The following VPS13A variants were observed in gnomAD, a reference collection of about 807,000 sequenced individuals.
VPS13A encodes intermembrane lipid transfer protein VPS13A.
In VPS13A, 264 loss-of-function variants were observed where a neutral mutation model predicts 390.9. That is an observed-to-expected ratio of 0.68 (90% CI 0.61 to 0.75). The LOEUF is 0.75. VPS13A is among the 30% of genes least tolerant of loss of function. The pLI is 0.00. For missense variants in VPS13A, 3,409 were observed against 3,733.9 expected (o/e 0.91, Z 2.27); for synonymous variants, 1,231 against 1,227.1 (o/e 1.00, Z -0.07).
intron 71 of VPS13A, among the ~76,000 whole-genome samples, chr9:77,408,456 G>A (rs922630282): frequency 1.4e-4 from 22 of 152,348 alleles, no homozygotes; most frequent in African/African-American, 5.1e-4. Flanking sequence ...AGGACAGTGG[G>A]TGCAGCGCAC....
At chr9:77,217,538 C>T (rs984102886) in intron 10 of VPS13A, among the ~76,000 whole-genome samples, 1 of 152,154 alleles carries the variant, frequency 6.6e-6, no homozygotes, top group African/African-American at 2.4e-5. Flanking sequence ...ATTTAGCTCC[C>T]ACTTACAAGT....
In VPS13A at chr9:77,178,197, T is replaced by C. The variant is rs1053539804; in HGVS notation, c.100+393T>C. 1.7e-5 allele frequency: 4 copies of C among 230,934 alleles called. No individual in the cohort carries two copies. In the Admixed American group the frequency reaches 2.2e-4, roughly 13 times the overall value. 14.3% of individuals were successfully genotyped at this position (230,934 alleles called of 1,614,324 possible). A position where few individuals can be genotyped will look rare whatever the true frequency, so the allele number is the denominator to read the frequency against. ...CGACGCCTTCCTGGGCTGGGTCCCATCCCTGTCCTTTGCCCCCCTGGGTTT... is the reference window on the plus strand; with the variant it reads ...CGACGCCTTCCTGGGCTGGGTCCCACCCCTGTCCTTTGCCCCCCTGGGTTT... On this transcript the variant is annotated intron_variant, in intron 1 of 71. Coordinates refer to ENST00000360280, the MANE Select transcript of VPS13A (RefSeq NM_033305.3).
intron 59 of VPS13A, among the ~76,000 whole-genome samples, chr9:77,363,410 T>A (rs1426729715): frequency 2.2e-4 from 32 of 145,848 alleles, no homozygotes; most frequent in Admixed American, 5.5e-4. Context: ...TTTTATTTTT[T>A]TTTTTTTTTG....
Position 77,332,029 on chromosome 9 carries a change from T to C in VPS13A, c.6011T>C (p.Val2004Ala), listed in dbSNP as rs1263657096. 3.7e-6 allele frequency: 6 copies of C among 1,610,792 alleles called. No homozygotes were observed. The highest frequency in any genetic ancestry group is 5.1e-6 in the Non-Finnish European group (6 of 1,177,458). The change falls in exon 46 of 72, where the codon GTC (valine) becomes GCC (alanine). Residue 2004 changes from valine to alanine, a missense_variant. Around this residue, in one of 5 missense-constraint regions of VPS13A, gnomAD observed 2,717 missense variants for 2,917.4 expected, o/e 0.93. Transcript: ENST00000360280. ...SPVQIRNHFSVPLSVYEGDTL... is the reference protein window; with the variant it reads ...SPVQIRNHFSAPLSVYEGDTL... ...TCCCAGATAAGAAATCATTTTTCAG[T>C]CCCACTGTCTGTTTACGAAGGGGAT...
rs571098683 is a variant in VPS13A, at chr9:77,403,182, T to G, written c.9190-54T>G. On this transcript the variant is annotated intron_variant, in intron 68 of 71. Transcript: ENST00000360280. ...AGAGGACTATAAGGCATTGTTTGCA[T>G]TACAGTAGGAAATACTATCAATTTT... 58 of 1,327,332 alleles carry G rather than the reference T, an allele frequency of 4.4e-5. 1 individual carries two copies. The African/African-American group carries it at 6.5e-4, about 15-fold the overall frequency. The allele number at this position is 1,327,332 out of a possible 1,614,324, so 82.2% of individuals were successfully genotyped here. A position where few individuals can be genotyped will look rare whatever the true frequency, so the allele number is the denominator to read the frequency against.
chr9:77,262,068 A>C (rs146676139), intron 23 of VPS13A, among the ~76,000 whole-genome samples: 5 of 152,276 alleles, frequency 3.3e-5, no homozygotes, highest in African/African-American at 9.6e-5. Flanking sequence ...TGTTTTTGGA[A>C]ACTGCTGTTC....
intron 20 of VPS13A, 101 bp downstream of exon 20, chr9:77,247,496 C>T (rs879742488): frequency 4.4e-5 from 56 of 1,268,506 alleles, no homozygotes; most frequent in Non-Finnish European, 5.4e-5. Flanking sequence ...TGCTTTTTTT[C>T]CTAGATTTGT....
At position 77,420,747 on chromosome 9, in the gene VPS13A, G is replaced by T. The variant is rs1020322766; in HGVS notation, c.*4741G>T. The T allele has an allele frequency of 6.6e-6, 1 of 152,134 alleles. No individual in the cohort carries two copies. Among genetic ancestry groups the T allele is most frequent in the Non-Finnish European group, 1.5e-5 (1 of 68,020 alleles). 9.4% of individuals were successfully genotyped at this position (152,134 alleles called of 1,614,324 possible). On this transcript the variant is annotated 3_prime_UTR_variant, in exon 72 of 72. Transcript: ENST00000360280. ...AAGTCCTTGTAACAAGAAACCCTGT[G>T]AGATTGGTATAATGAGATATCAAAT...
chr9:77,259,955 AAATTGGAATAGAGATTT>A, intron 22 of VPS13A, 114 bp from the exon 23 acceptor site: 1 of 688,072 alleles, frequency 1.5e-6, no homozygotes, highest in Non-Finnish European at 2.4e-6. Context: ...GGTAAGACGG[AAATTGGAATAGAGATTT>A]TTAGTGTTTA....
intron 52 of VPS13A, among the ~76,000 whole-genome samples, chr9:77,346,264 TTAGTGA>T (rs1831146789): frequency 2.6e-5 from 4 of 152,122 alleles, no homozygotes; most frequent in African/African-American, 2.4e-5. Context: ...TCCCTCATAA[TTAGTGA>T]TGCTGAGCTT....
intron 71 of VPS13A, among the ~76,000 whole-genome samples, chr9:77,414,940 C>G (rs1489354998): frequency 2.0e-5 from 3 of 152,050 alleles, no homozygotes; most frequent in African/African-American, 4.8e-5. Context: ...GGGGCCTCTC[C>G]CACTGTCTCA....
In VPS13A at chr9:77,323,214, G is replaced by T. The variant is rs769890530; in HGVS notation, c.5978G>T (p.Arg1993Leu). Reference protein sequence around the residue: ...TVEGSKKVTIRSPVQIRNHFS... With the variant: ...TVEGSKKVTILSPVQIRNHFS... Reference sequence around the variant, plus strand: ...GAAGGAAGTAAGAAGGTCACAATTCGCTCCCCAGTGCAGGTATGAAATGAT... The same window carrying T: ...GAAGGAAGTAAGAAGGTCACAATTCTCTCCCCAGTGCAGGTATGAAATGAT... Residue 1993 changes from arginine to leucine, a missense_variant, in exon 45 of 72, where the codon CGC (arginine) becomes CTC (leucine). By Grantham distance (102) the Arg-to-Leu change is moderately radical. Around this residue, in one of 5 missense-constraint regions of VPS13A, gnomAD observed 2,717 missense variants for 2,917.4 expected, o/e 0.93. Transcript: ENST00000360280. The T allele has an allele frequency of 6.2e-7, 1 of 1,613,014 alleles. No individual in the cohort carries two copies. The highest frequency in any genetic ancestry group is 8.5e-7 in the Non-Finnish European group (1 of 1,179,298).
chr9:77,322,308 A>T (rs1587579321), intron 44 of VPS13A, among the ~76,000 whole-genome samples: 1 of 151,748 alleles, frequency 6.6e-6, no homozygotes, highest in Admixed American at 6.6e-5. Context: ...TTCTTAAAGT[A>T]TCATAATATG....
At chr9:77,375,207 C>T (rs895837167) in intron 67 of VPS13A, among the ~76,000 whole-genome samples, 1 of 151,922 alleles carries the variant, frequency 6.6e-6, no homozygotes, top group African/African-American at 2.4e-5. Flanking sequence ...AGGTATATTA[C>T]CTTTAGGGAT....
chr9:77,407,429 A>C (rs951745639), intron 70 of VPS13A, 104 bp from the exon 71 acceptor site: 6 of 904,034 alleles, frequency 6.6e-6, no homozygotes, highest in African/African-American at 5.0e-5. Context: ...TGATTTGTAT[A>C]AGAGGGACAC....
At position 77,282,891 on chromosome 9, in the gene VPS13A, G is replaced by A. The variant is rs375037582; in HGVS notation, c.3119-464G>A. Among the ~76,000 whole-genome samples the A allele has an allele frequency of 1.3e-4, 20 of 152,088 alleles. No individual in the cohort carries two copies. In the East Asian group the frequency reaches 2.7e-3, roughly 21 times the overall value. ...TGGAGCCCAGGAATTCAAGGTTGCA[G>A]CGATCTTTGAGCTACAATTGCACCA... On this transcript the variant is annotated intron_variant, in intron 29 of 71. Coordinates refer to ENST00000360280, the MANE Select transcript of VPS13A (RefSeq NM_033305.3).
chr9:77,230,658 G>C (rs1056104518), intron 17 of VPS13A, among the ~76,000 whole-genome samples: 1 of 152,062 alleles, frequency 6.6e-6, no homozygotes, highest in African/African-American at 2.4e-5. Context: ...TAATCAGGAA[G>C]TATGACTCTT....
chr9:77,405,895 G>A lies in VPS13A; in HGVS notation c.9307G>A (p.Gly3103Arg). The A allele has an allele frequency of 6.2e-7, 1 of 1,613,694 alleles. No homozygotes were observed. The highest frequency in any genetic ancestry group is 1.3e-5 in the African/African-American group (1 of 74,986). The change falls in exon 70 of 72, where the codon GGA (glycine) becomes AGA (arginine). Residue 3103 changes from glycine to arginine, a missense_variant. Physicochemically the swap from Gly to Arg is moderately radical, Grantham distance 125. Transcript: ENST00000360280. ...ATTGTTTGTAACAAAGGGAACATTT[G>A]GACAACTCACGTGTGAGTGGCAGTA... The part of the protein sequence containing the change: ...GVLFVTKGTF[G>R]QLTCEWQYSF...
chr9:77,373,049 G>T (rs1321202583), intron 67 of VPS13A, among the ~76,000 whole-genome samples: 1 of 152,136 alleles, frequency 6.6e-6, no homozygotes, highest in Admixed American at 6.5e-5. Flanking sequence ...TCGTGAAAAT[G>T]GCCATACTGC....
Sources: gnomAD v4.1 joint callset for allele counts (sites outside exome capture counted in the v4.1 genomes callset) on GRCh38, gnomAD v4.1.1 for gene constraint, gnomAD v4.1.1 regional missense constraint, MANE v1.5 for transcripts, NCBI Gene and HGNC (gene_info 2026-07-23, HGNC 2026-07-21) for gene names.